INTS9: variants seen among roughly 807,000 people sequenced by gnomAD.
INTS9 encodes the protein integrator complex subunit 9.
Under a neutral mutation model 79.7 loss-of-function variants are expected in INTS9, and 55 were observed. That is an observed-to-expected ratio of 0.69 (90% confidence interval 0.56 to 0.86). The LOEUF (loss-of-function observed/expected upper bound fraction) is 0.86. Ranked by LOEUF, INTS9 falls within the 40% of genes least tolerant of loss-of-function variation. The pLI is 0.00. For missense variants in INTS9, 721 were observed against 831.5 expected, an observed-to-expected ratio of 0.87 and a Z score of 1.64; for synonymous variants, 319 against 325.2, an observed-to-expected ratio of 0.98 and a Z score of 0.20.
chr8:28,835,268 G>C lies in INTS9; in HGVS notation c.488+24C>G, dbSNP rs1351094951. ...AAGCACCTGGCTCTACAGTCTCTCG[G>C]TAAGAGAGTGGTCTGTTCCTCACCT... On this transcript the variant is annotated intron_variant, in intron 6 of 16. Coordinates refer to ENST00000521022, the MANE Select transcript of INTS9 (RefSeq NM_018250.4). 5 of 1,551,352 alleles carry C rather than the reference G, an allele frequency of 3.2e-6. No individual in the cohort carries two copies. In the Admixed American group the frequency reaches 6.8e-5, roughly 21 times the overall value.
At chr8:28,870,349 CTTTTTTTTTTT>C (rs10580665) in intron 1 of INTS9, among the ~76,000 whole-genome samples, 1 of 80,576 alleles carries the variant, frequency 1.2e-5, no homozygotes, top group Non-Finnish European at 2.2e-5. Context: ...CAGAAAAAAG[CTTTTTTTTTTT>C]TTTTTTTTTT....
chr8:28,784,749 C>T (rs112114556), intron 11 of INTS9, among the ~76,000 whole-genome samples: 86 of 152,238 alleles, frequency 5.6e-4, no homozygotes, highest in African/African-American at 1.9e-3. Flanking sequence ...GGGAGATAAT[C>T]GCAGTTAACA....
intron 8 of INTS9, among the ~76,000 whole-genome samples, chr8:28,811,482 C>T (rs1464104684): frequency 3.3e-5 from 5 of 150,806 alleles, no homozygotes; most frequent in African/African-American, 1.2e-4. Context: ...AGTACGGTGG[C>T]GCAATCTCGG....
At chr8:28,816,083 A>G (rs927616934) in intron 6 of INTS9, among the ~76,000 whole-genome samples, 1 of 152,112 alleles carries the variant, frequency 6.6e-6, no homozygotes, top group African/African-American at 2.4e-5. Context: ...AAGATACTCA[A>G]AGAAAGAAAA....
chr8:28,778,035 GC>G, intron 12 of INTS9, 82 bp from the exon 13 acceptor site: 2 of 1,438,102 alleles, frequency 1.4e-6, no homozygotes, highest in Non-Finnish European at 1.9e-6. Context: ...GGCGCTGAGG[GC>G]CCACAGACAG....
At chr8:28,857,961 T>A (rs1353840432) in intron 2 of INTS9, among the ~76,000 whole-genome samples, 1 of 152,116 alleles carries the variant, frequency 6.6e-6, no homozygotes, top group Non-Finnish European at 1.5e-5. Context: ...ATTCTCCTAG[T>A]AGAACTTCCC....
At chr8:28,806,247 C>G in intron 8 of INTS9, among the ~76,000 whole-genome samples, 1 of 151,206 alleles carries the variant, frequency 6.6e-6, no homozygotes, top group Non-Finnish European at 1.5e-5. Flanking sequence ...CAAAACAAAA[C>G]AAAAAAAACC....
intron 6 of INTS9, among the ~76,000 whole-genome samples, chr8:28,814,083 AAAAT>A (rs1435607096): frequency 6.6e-6 from 1 of 151,964 alleles, no homozygotes; most frequent in Non-Finnish European, 1.5e-5. Context: ...AAAAAAAAAA[AAAAT>A]AGAGACATGG....
intron 4 of INTS9, among the ~76,000 whole-genome samples, chr8:28,839,653 T>C (rs938048701): frequency 6.6e-6 from 1 of 152,210 alleles, no homozygotes; most frequent in African/African-American, 2.4e-5. Flanking sequence ...TATAACTATC[T>C]GATCTTTGAC....
intron 14 of INTS9, among the ~76,000 whole-genome samples, chr8:28,772,814 GAA>G (rs530937913): frequency 2.2e-5 from 2 of 90,460 alleles, no homozygotes; most frequent in African/African-American, 8.5e-5. Flanking sequence ...CTCAAAAAAA[GAA>G]AAAAAAAGAC....
chr8:28,809,308 G>A (rs1311723473), intron 8 of INTS9, among the ~76,000 whole-genome samples: 1 of 152,120 alleles, frequency 6.6e-6, no homozygotes, highest in African/African-American at 2.4e-5. Flanking sequence ...GGGTGTGGCT[G>A]TACTTCAACA....
chr8:28,848,058 G>A (rs1340916632), intron 3 of INTS9, among the ~76,000 whole-genome samples: 1 of 152,228 alleles, frequency 6.6e-6, no homozygotes, highest in Non-Finnish European at 1.5e-5. Flanking sequence ...GCTACCAATA[G>A]GGTCTGCTAC....
chr8:28,851,169 A>C (rs1172814345), intron 2 of INTS9, among the ~76,000 whole-genome samples: 1 of 150,962 alleles, frequency 6.6e-6, no homozygotes, highest in Non-Finnish European at 1.5e-5. Flanking sequence ...TCTGTGATGC[A>C]AAAGTTAAGG....
intron 10 of INTS9, among the ~76,000 whole-genome samples, chr8:28,788,549 G>C (rs1803746172): frequency 6.6e-6 from 1 of 152,122 alleles, no homozygotes; most frequent in Non-Finnish European, 1.5e-5. Context: ...CTCCCAAGTA[G>C]CTGGGATTAC....
At chr8:28,781,908 C>T (rs957607191) in intron 11 of INTS9, among the ~76,000 whole-genome samples, 4 of 152,050 alleles carry the variant, frequency 2.6e-5, no homozygotes, top group Non-Finnish European at 5.9e-5. Flanking sequence ...CCAAGGGAAC[C>T]CCTACTGTAA....
At chr8:28,851,298 G>A (rs755361223) in intron 2 of INTS9, among the ~76,000 whole-genome samples, 28 of 151,996 alleles carry the variant, frequency 1.8e-4, no homozygotes, top group Admixed American at 1.6e-3. Flanking sequence ...AGGTATGAAA[G>A]TCAACACAAA....
chr8:28,776,434 TTTTTTG>T lies in INTS9; in HGVS notation c.1396-514_1396-509del, dbSNP rs754622030. ...CCAAGGAGCAGAGGCAGAGTTTTTTTTTTTTGTTTTTTTTTTTAAACAAAATGTCTC... is the reference window on the plus strand; with the variant it reads ...CCAAGGAGCAGAGGCAGAGTTTTTTTTTTTTTTTTTTAAACAAAATGTCTC... On this transcript the variant is annotated intron_variant, in intron 13 of 16. Coordinates refer to ENST00000521022, the MANE Select transcript of INTS9 (RefSeq NM_018250.4). Among the ~76,000 whole-genome samples the T allele has an allele frequency of 4.3e-4, 38 of 87,484 alleles. No individual in the cohort carries two copies. The East Asian group carries it at 5.1e-3, about 12-fold the overall frequency. 57.4% of individuals were successfully genotyped at this position (87,484 alleles called of 152,430 possible). A position where few individuals can be genotyped will look rare whatever the true frequency, so the allele number is the denominator to read the frequency against.
chr8:28,839,230 C>A (rs1230076517), intron 4 of INTS9, among the ~76,000 whole-genome samples: 1 of 152,148 alleles, frequency 6.6e-6, no homozygotes, highest in Non-Finnish European at 1.5e-5. Context: ...ATCCAACTTA[C>A]AAGGGACAGG....
chr8:28,789,351 T>C (rs17059423), intron 10 of INTS9, among the ~76,000 whole-genome samples: 6,425 of 152,192 alleles, frequency 0.042, 439 homozygotes, highest in African/African-American at 0.15. Flanking sequence ...TGCTCTAGAA[T>C]CCTCATGCAG....
Sources: allele counts gnomAD v4.1 joint callset (sites outside exome capture counted in the v4.1 genomes callset), GRCh38; gene constraint gnomAD v4.1.1; transcripts MANE v1.5; gene names NCBI Gene and HGNC (gene_info 2026-07-23, HGNC 2026-07-21).